The following CSMD1 variants were observed in gnomAD, a reference collection of about 807,000 sequenced individuals.
CSMD1 encodes CUB and Sushi multiple domains 1, also known as CUB and sushi domain-containing protein 1.
CSMD1 carries 213 observed loss-of-function variants against 417.5 expected under a neutral mutation model. The observed-to-expected ratio is 0.51, with a 90% CI of 0.46 to 0.57. The LOEUF (loss-of-function observed/expected upper bound fraction) is 0.57. Ranked by LOEUF, CSMD1 falls within the 20% of genes least tolerant of loss-of-function variation. CSMD1 has a pLI of 0.00. For missense variants in CSMD1, 6,923 were observed against 4,529.7 expected (o/e 1.53, Z -15.17); for synonymous variants, 2,862 against 1,736.8 (o/e 1.65, Z -16.11).
intron 2 of CSMD1, among the ~76,000 whole-genome samples, chr8:4,485,222 T>G (rs1453156222): frequency 1.3e-5 from 2 of 152,118 alleles, no homozygotes; most frequent in Non-Finnish European, 2.9e-5. Flanking sequence ...GATCCTACTT[T>G]TCATCCCTTG....
intron 21 of CSMD1, among the ~76,000 whole-genome samples, chr8:3,349,884 T>TATAAATATATTTATATCTATATATAA (rs58236285): frequency 1.6e-5 from 2 of 125,538 alleles, no homozygotes; most frequent in Non-Finnish European, 3.4e-5. Flanking sequence ...TATATCTATA[T>TATAAATATATTTATATCTATATATAA]ATATATTTAT....
chr8:3,443,371 G>A (rs142491629), intron 12 of CSMD1, among the ~76,000 whole-genome samples: 392 of 152,226 alleles, frequency 2.6e-3, no homozygotes, highest in Non-Finnish European at 3.8e-3. Flanking sequence ...AGCTACTATA[G>A]AATGAGCTCC....
At chr8:3,621,188 G>A (rs774646987) in intron 7 of CSMD1, among the ~76,000 whole-genome samples, 8 of 152,168 alleles carry the variant, frequency 5.3e-5, no homozygotes, top group Non-Finnish European at 1.2e-4. Context: ...GTGAATTTCT[G>A]TTGTTTAAGC....
At chr8:4,034,935 T>G (rs1396059173) in intron 3 of CSMD1, among the ~76,000 whole-genome samples, 1 of 152,088 alleles carries the variant, frequency 6.6e-6, no homozygotes, top group Non-Finnish European at 1.5e-5. Context: ...ACACGGAAAA[T>G]GCAAATGAAA....
intron 5 of CSMD1, among the ~76,000 whole-genome samples, chr8:3,903,533 G>C (rs73495969): frequency 0.035 from 5,348 of 152,182 alleles, 185 homozygotes; most frequent in African/African-American, 0.091. Context: ...GTAATTGCCG[G>C]CATTTTGTCC....
chr8:3,186,549 T>C (rs1179105793), intron 36 of CSMD1, among the ~76,000 whole-genome samples: 2 of 152,170 alleles, frequency 1.3e-5, no homozygotes, highest in Admixed American at 6.5e-5. Flanking sequence ...CTTTGAACCA[T>C]TTGAAGTGAT....
At chr8:4,922,133 G>T (rs1806537865) in intron 1 of CSMD1, among the ~76,000 whole-genome samples, 1 of 152,064 alleles carries the variant, frequency 6.6e-6, no homozygotes. Context: ...CCATTGCCTT[G>T]CAGGTATCTC....
chr8:3,675,025 G>T (rs756563644), intron 7 of CSMD1, among the ~76,000 whole-genome samples: 14 of 152,266 alleles, frequency 9.2e-5, no homozygotes, highest in East Asian at 7.7e-4. Flanking sequence ...AGTGATGCAG[G>T]GATTTAGGTG....
intron 49 of CSMD1, among the ~76,000 whole-genome samples, chr8:3,080,697 T>C (rs1028069866): frequency 1.3e-5 from 2 of 152,182 alleles, no homozygotes; most frequent in Non-Finnish European, 2.9e-5. Context: ...ACAATCATAA[T>C]TGGCATGCAT....
At chr8:3,600,495 C>T (rs1015787735) in intron 8 of CSMD1, among the ~76,000 whole-genome samples, 5 of 152,162 alleles carry the variant, frequency 3.3e-5, no homozygotes, top group African/African-American at 7.2e-5. Context: ...GGAAAAGGGA[C>T]GCCAAGTGTC....
intron 3 of CSMD1, among the ~76,000 whole-genome samples, chr8:4,254,865 G>C (rs936184345): frequency 2.0e-5 from 3 of 152,124 alleles, no homozygotes; most frequent in Non-Finnish European, 2.9e-5. Flanking sequence ...TGCACATTCT[G>C]TGTTGTTCAC....
At chr8:4,828,104 A>G (rs546414222) in intron 1 of CSMD1, among the ~76,000 whole-genome samples, 1 of 152,252 alleles carries the variant, frequency 6.6e-6, no homozygotes, top group African/African-American at 2.4e-5. Flanking sequence ...TGACAAAGGT[A>G]TACAAAGTTG....
At chr8:3,756,890 G>A (rs1258070166) in intron 5 of CSMD1, among the ~76,000 whole-genome samples, 2 of 151,992 alleles carry the variant, frequency 1.3e-5, no homozygotes, top group African/African-American at 2.4e-5. Context: ...CCGACTCCTG[G>A]GCTCAAGCCA....
chr8:3,860,957 A>T (rs1240244337), intron 5 of CSMD1, among the ~76,000 whole-genome samples: 1 of 152,240 alleles, frequency 6.6e-6, no homozygotes, highest in East Asian at 1.9e-4. Flanking sequence ...GATATACTTC[A>T]TGCAAAATGA....
chr8:3,769,321 A>C (rs895258256), intron 5 of CSMD1, among the ~76,000 whole-genome samples: 9 of 152,008 alleles, frequency 5.9e-5, no homozygotes, highest in Admixed American at 3.3e-4. Context: ...TTTTGAGAAA[A>C]ATTGCAAATA....
At chr8:4,278,782 T>C (rs1287193604) in intron 3 of CSMD1, among the ~76,000 whole-genome samples, 1 of 152,210 alleles carries the variant, frequency 6.6e-6, no homozygotes, top group South Asian at 2.1e-4. Context: ...AGTGTGATTA[T>C]GTGGAATGCT....
At chr8:4,534,662 C>A (rs1439613262) in intron 2 of CSMD1, among the ~76,000 whole-genome samples, 2 of 152,036 alleles carry the variant, frequency 1.3e-5, no homozygotes, top group Non-Finnish European at 2.9e-5. Context: ...GTGTTTAGTT[C>A]CCAGTTATAA....
chr8:3,593,013 G>C (rs1800926020), intron 8 of CSMD1, among the ~76,000 whole-genome samples: 1 of 152,224 alleles, frequency 6.6e-6, no homozygotes, highest in Non-Finnish European at 1.5e-5. Context: ...CTCCTGGCCT[G>C]TGCTTGGATA....
chr8:4,902,352 G>T (rs1190469240), intron 1 of CSMD1, among the ~76,000 whole-genome samples: 1 of 150,306 alleles, frequency 6.7e-6, no homozygotes, highest in African/African-American at 2.4e-5. Flanking sequence ...CAGAAGGATT[G>T]ATTGAGCCCA....
Sources: gnomAD v4.1 joint callset for allele counts (sites outside exome capture counted in the v4.1 genomes callset) on GRCh38, gnomAD v4.1.1 for gene constraint, MANE v1.5 for transcripts, NCBI Gene and HGNC (gene_info 2026-07-23, HGNC 2026-07-21) for gene names.